ACAP2: variants seen among roughly 807,000 people sequenced by gnomAD.
ACAP2 encodes arf-GAP with coiled-coil, ANK repeat and PH domain-containing protein 2.
ACAP2 carries 39 observed loss-of-function variants against 115.8 expected under a neutral mutation model. The ratio of observed to expected loss-of-function variants is 0.34; its 90% CI spans 0.26 to 0.44. The LOEUF is 0.44. Ranked by LOEUF, ACAP2 falls within the 20% of genes least tolerant of loss-of-function variation. The probability of loss-of-function intolerance (pLI) is 1.00; values close to 1 mark genes in which losing one functional copy is unlikely to be tolerated. For missense variants in ACAP2, 662 were observed against 927.6 expected (o/e 0.71, Z 3.72); for synonymous variants, 289 against 315.8 (o/e 0.92, Z 0.90).
chr3:195,395,515 A>G (rs1376768295), intron 1 of ACAP2, among the ~76,000 whole-genome samples: 4 of 152,216 alleles, frequency 2.6e-5, no homozygotes, highest in African/African-American at 9.6e-5. Flanking sequence ...TTAAAAAATA[A>G]TATTTTGTGA....
chr3:195,323,234 C>G (rs1474845003), intron 9 of ACAP2, among the ~76,000 whole-genome samples: 3 of 151,168 alleles, frequency 2.0e-5, no homozygotes, highest in Non-Finnish European at 4.4e-5. Context: ...TCCTAGCCAG[C>G]AAAATAACAA....
chr3:195,295,550 T>A (rs1727586865), intron 17 of ACAP2, 158 bp downstream of exon 17: 1 of 783,502 alleles, frequency 1.3e-6, no homozygotes, highest in African/African-American at 1.8e-5. Context: ...TAAAGTTAAC[T>A]ATTTTAAAGA....
rs763767566 is a variant in ACAP2 at position 195,345,270 on chromosome 3, G to T, written c.333C>A (p.Asn111Lys). 3.1e-6 allele frequency: 5 copies of T among 1,610,858 alleles called. No homozygotes were observed. In the South Asian group the frequency reaches 4.4e-5, roughly 14 times the overall value. ...TQRSIKAQLQNFVKEDLRKFK... is the reference protein window; with the variant it reads ...TQRSIKAQLQKFVKEDLRKFK... ...CGCAATTGACTTACTCTTTAACAAA[G>T]TTCTGAAGCTGTGCCTTAATTGATC... Residue 111 changes from asparagine to lysine, a missense_variant, in exon 5 of 23, where the codon AAC becomes AAA. By Grantham distance (94) the Asn-to-Lys change is moderately conservative (BLOSUM62 0). This residue lies in a region of ACAP2 where 401 missense variants were observed against 604.4 expected (regional missense o/e 0.66). Coordinates refer to ENST00000326793, the MANE Select transcript of ACAP2 (RefSeq NM_012287.6).
intron 1 of ACAP2, among the ~76,000 whole-genome samples, chr3:195,440,044 A>G (rs1189799045): frequency 6.6e-6 from 1 of 152,194 alleles, no homozygotes; most frequent in Admixed American, 6.5e-5. Context: ...CAACTTCAAC[A>G]TATTTTGGCC....
At chr3:195,378,285 G>A (rs1454732267) in intron 4 of ACAP2, among the ~76,000 whole-genome samples, 3 of 152,118 alleles carry the variant, frequency 2.0e-5, no homozygotes, top group South Asian at 2.1e-4. Flanking sequence ...AAGGTCAAGA[G>A]ATCGAGACCA....
intron 1 of ACAP2, among the ~76,000 whole-genome samples, chr3:195,394,178 C>T (rs1423585814): frequency 6.6e-6 from 1 of 152,168 alleles, no homozygotes; most frequent in Non-Finnish European, 1.5e-5. Context: ...CGTACCCTCC[C>T]GTGCCCCTCC....
intron 8 of ACAP2, among the ~76,000 whole-genome samples, chr3:195,329,056 G>A (rs188105817): frequency 1.3e-5 from 2 of 149,864 alleles, no homozygotes; most frequent in East Asian, 2.0e-4. Flanking sequence ...CTCCAGCCTG[G>A]GCAACAGAGT....
intron 6 of ACAP2, among the ~76,000 whole-genome samples, chr3:195,337,630 T>C (rs1293460028): frequency 6.6e-6 from 1 of 152,142 alleles, no homozygotes; most frequent in Non-Finnish European, 1.5e-5. Context: ...TTCTATTTAG[T>C]AGAGACGGGG....
At chr3:195,313,897 A>C (rs1205356040) in intron 10 of ACAP2, among the ~76,000 whole-genome samples, 1 of 152,190 alleles carries the variant, frequency 6.6e-6, no homozygotes, top group Non-Finnish European at 1.5e-5. Flanking sequence ...CCACACTGAG[A>C]AAATGACCCA....
At chr3:195,400,681 A>T (rs1712207841) in intron 1 of ACAP2, among the ~76,000 whole-genome samples, 1 of 152,204 alleles carries the variant, frequency 6.6e-6, no homozygotes, top group Non-Finnish European at 1.5e-5. Flanking sequence ...TGTTATTAGT[A>T]GAGTGTCACA....
rs185161721 is a variant in ACAP2 at position 195,288,128 on chromosome 3, G to T, written c.2174+993C>A. On this transcript the variant is annotated intron_variant, in intron 21 of 22. Coordinates refer to ENST00000326793, the MANE Select transcript of ACAP2 (RefSeq NM_012287.6). Reference sequence around the variant, plus strand: ...AAAAAAAAAAAGAAACCATTTTGAAGAAGTCACTGGTTTTCTGTTTCTGTA... The same window carrying T: ...AAAAAAAAAAAGAAACCATTTTGAATAAGTCACTGGTTTTCTGTTTCTGTA... 1.8e-4 allele frequency among the ~76,000 whole-genome samples: 28 copies of T among 151,644 alleles called. 1 individual carries two copies. Among genetic ancestry groups the T allele is most frequent in the African/African-American group, 6.0e-4 (25 of 41,366 alleles).
intron 2 of ACAP2, among the ~76,000 whole-genome samples, chr3:195,384,317 T>C (rs779186858): frequency 1.3e-5 from 2 of 152,172 alleles, no homozygotes; most frequent in Non-Finnish European, 2.9e-5. Flanking sequence ...TAACAACAAA[T>C]AACATCCACG....
At chr3:195,427,442 G>A (rs938392846) in intron 1 of ACAP2, among the ~76,000 whole-genome samples, 26 of 152,052 alleles carry the variant, frequency 1.7e-4, no homozygotes, top group African/African-American at 5.8e-4. Flanking sequence ...TGCACTGTTA[G>A]ATGACTTCTT....
intron 1 of ACAP2, among the ~76,000 whole-genome samples, chr3:195,401,723 G>A (rs1577419967): frequency 6.6e-6 from 1 of 152,132 alleles, no homozygotes; most frequent in African/African-American, 2.4e-5. Flanking sequence ...AAAGCATTGA[G>A]TACATAAGCA....
intron 3 of ACAP2, 149 bp downstream of exon 3, chr3:195,381,754 T>C: frequency 1.3e-6 from 1 of 784,430 alleles, no homozygotes; most frequent in Non-Finnish European, 2.0e-6. Context: ...GAAAACAGAA[T>C]CATACAAGAG....
At chr3:195,423,685 C>T (rs1052857948) in intron 1 of ACAP2, among the ~76,000 whole-genome samples, 2 of 150,370 alleles carry the variant, frequency 1.3e-5, no homozygotes, top group Non-Finnish European at 2.9e-5. Context: ...AGTCCCTGTT[C>T]CAACTACTCA....
At position 195,316,212 on chromosome 3, in the gene ACAP2, T is replaced by G. The variant is rs529674061; in HGVS notation, c.857+4489A>C. ...AAGCTGGGTTTTTTTTGTTTTTTTTTTTTTCCAACTTCTACTCTGGCTACA... is the reference window on the plus strand; with the variant it reads ...AAGCTGGGTTTTTTTTGTTTTTTTTGTTTTCCAACTTCTACTCTGGCTACA... On this transcript the variant is annotated intron_variant, in intron 10 of 22. Transcript: ENST00000326793. Among the ~76,000 whole-genome samples, 4 of 151,912 alleles carry G rather than the reference T, an allele frequency of 2.6e-5. No individual in the cohort carries two copies. In the East Asian group the frequency reaches 7.7e-4, roughly 29 times the overall value.
rs1713461442 is a variant in ACAP2, at chr3:195,413,580, C to T, written c.54-21433G>A. Among the ~76,000 whole-genome samples, 11 of 152,138 alleles carry T rather than the reference C, an allele frequency of 7.2e-5. No individual in the cohort carries two copies. In the South Asian group the frequency reaches 2.3e-3, roughly 32 times the overall value. The stretch of plus-strand genomic sequence containing the variant: ...CCTGTCCAACATTGCGAAACCCTGT[C>T]TCTACGAAAAATACAAAAAATTAGG... On this transcript the variant is annotated intron_variant, in intron 1 of 22. Transcript: ENST00000326793.
At position 195,425,415 on chromosome 3, in the gene ACAP2, A is replaced by G. The variant is rs80234811; in HGVS notation, c.53+17380T>C. Among the ~76,000 whole-genome samples the G allele has an allele frequency of 5.4e-3, 828 of 152,342 alleles. 9 individuals carry two copies. The highest frequency in any genetic ancestry group is 0.019 in the African/African-American group (806 of 41,572). On this transcript the variant is annotated intron_variant, in intron 1 of 22. Transcript: ENST00000326793. ...TATGTTATGTGAAAATGGAGAATGTATAACTATTTTAAGAAAGTACTTATT... is the reference window on the plus strand; with the variant it reads ...TATGTTATGTGAAAATGGAGAATGTGTAACTATTTTAAGAAAGTACTTATT...
Sources: gnomAD v4.1 joint callset for allele counts (sites outside exome capture counted in the v4.1 genomes callset) on GRCh38, gnomAD v4.1.1 for gene constraint, gnomAD v4.1.1 regional missense constraint, MANE v1.5 for transcripts, NCBI Gene and HGNC (gene_info 2026-07-23, HGNC 2026-07-21) for gene names.